Variants in CDH18 observed in about 807,000 individuals in gnomAD.
The protein encoded by CDH18 is cadherin 18.
Under a neutral mutation model 67.9 loss-of-function variants are expected in CDH18, and 31 were observed. The observed-to-expected ratio is 0.46, with a 90% CI of 0.34 to 0.62. CDH18 has a LOEUF of 0.62. CDH18 is among the 20% of genes least tolerant of loss of function. The pLI is 0.01. For synonymous variants in CDH18, 362 were observed against 347.2 expected (o/e 1.04, Z -0.48); for missense variants, 890 against 975.5 (o/e 0.91, Z 1.17).
intron 6 of CDH18, among the ~76,000 whole-genome samples, chr5:19,611,946 ATGCGTGTGTGTGTGTG>A (rs1258277689): frequency 5.5e-5 from 3 of 54,486 alleles, no homozygotes; most frequent in Admixed American, 3.6e-4. Flanking sequence ...CTTTTGGATG[ATGCGTGTGTGTGTGTG>A]TGTGTGTGTG....
Position 20,385,260 on chromosome 5 carries a change from C to A in CDH18, c.-579-129755G>T, listed in dbSNP as rs1744223356. Among the ~76,000 whole-genome samples, 4 of 152,096 alleles carry A rather than the reference C, an allele frequency of 2.6e-5. No individual in the cohort carries two copies. The South Asian group carries it at 8.3e-4, about 32-fold the overall frequency. ...TGTTATCAATAAAAACTAAATAATT[C>A]CCACAGATCAGTATGTTCTGGACAA... On this transcript the variant is annotated intron_variant, in intron 1 of 14. Coordinates refer to the CDH18 transcript ENST00000507958.
At chr5:20,056,473 CTTTT>C (rs1741961872) in intron 2 of CDH18, among the ~76,000 whole-genome samples, 2 of 13,564 alleles carry the variant, frequency 1.5e-4, no homozygotes, top group East Asian at 1.5e-3. Flanking sequence ...TATTTTCTTT[CTTTT>C]GTTTTTTTTT....
chr5:20,325,567 TC>T (rs1399414902), intron 1 of CDH18, among the ~76,000 whole-genome samples: 2 of 152,132 alleles, frequency 1.3e-5, no homozygotes, highest in Non-Finnish European at 2.9e-5. Flanking sequence ...TTCTTAGGGA[TC>T]TTTTCACTAT....
intron 3 of CDH18, among the ~76,000 whole-genome samples, chr5:19,757,123 G>A (rs1405244961): frequency 6.6e-6 from 1 of 152,128 alleles, no homozygotes; most frequent in Non-Finnish European, 1.5e-5. Flanking sequence ...CTTTTTTGTT[G>A]TAAAGTGAGT....
At chr5:19,725,001 A>C (rs1170604352) in intron 4 of CDH18, among the ~76,000 whole-genome samples, 1 of 147,782 alleles carries the variant, frequency 6.8e-6, no homozygotes, top group African/African-American at 2.5e-5. Context: ...ATCTGGGCTC[A>C]CTGCAAGCTC....
intron 2 of CDH18, among the ~76,000 whole-genome samples, chr5:19,882,183 T>C (rs1335824620): frequency 6.6e-6 from 1 of 152,148 alleles, no homozygotes; most frequent in Non-Finnish European, 1.5e-5. Flanking sequence ...GGAAGAAAAT[T>C]GCCAACTCAA....
intron 5 of CDH18, among the ~76,000 whole-genome samples, chr5:19,714,980 A>G (rs927209392): frequency 6.6e-6 from 1 of 152,094 alleles, no homozygotes. Flanking sequence ...TTCTGCAGAT[A>G]TTGTAAACCA....
At chr5:19,913,615 GT>G (rs1791408894) in intron 2 of CDH18, among the ~76,000 whole-genome samples, 1 of 152,088 alleles carries the variant, frequency 6.6e-6, no homozygotes, top group African/African-American at 2.4e-5. Flanking sequence ...TTAGGTGCAT[GT>G]GCCTATAAGA....
At chr5:19,827,282 G>C (rs1010613914) in intron 3 of CDH18, among the ~76,000 whole-genome samples, 17 of 149,936 alleles carry the variant, frequency 1.1e-4, no homozygotes, top group Admixed American at 2.0e-4. Context: ...AGTAATAGTA[G>C]GAGACTTCAA....
intron 5 of CDH18, among the ~76,000 whole-genome samples, chr5:19,697,341 A>T (rs1416553271): frequency 6.6e-6 from 1 of 152,212 alleles, no homozygotes; most frequent in Admixed American, 6.5e-5. Flanking sequence ...TATTTAATAT[A>T]GCTCATATAA....
chr5:19,678,202 C>T (rs1201756568), intron 5 of CDH18, among the ~76,000 whole-genome samples: 1 of 149,812 alleles, frequency 6.7e-6, no homozygotes, highest in African/African-American at 2.4e-5. Flanking sequence ...AGCACATGCT[C>T]TATATTGATC....
At chr5:19,927,809 G>A (rs951113835) in intron 2 of CDH18, among the ~76,000 whole-genome samples, 2 of 152,110 alleles carry the variant, frequency 1.3e-5, no homozygotes, top group African/African-American at 4.8e-5. Flanking sequence ...CCAATATGAT[G>A]TTATATTTAT....
At chr5:19,690,104 T>C (rs765170242) in intron 5 of CDH18, among the ~76,000 whole-genome samples, 51 of 151,296 alleles carry the variant, frequency 3.4e-4, no homozygotes, top group Non-Finnish European at 6.2e-4. Flanking sequence ...TATACATATA[T>C]ATAAACCACA....
chr5:20,032,398 C>A (rs893986702), intron 2 of CDH18, among the ~76,000 whole-genome samples: 1 of 151,832 alleles, frequency 6.6e-6, no homozygotes, highest in African/African-American at 2.4e-5. Context: ...TAAAACTGAA[C>A]TTTAAAGAAA....
intron 1 of CDH18, among the ~76,000 whole-genome samples, chr5:20,427,336 A>G (rs1278303368): frequency 6.6e-6 from 1 of 151,274 alleles, no homozygotes. Flanking sequence ...ACAAAGAAAC[A>G]AATATTTGAA....
intron 1 of CDH18, among the ~76,000 whole-genome samples, chr5:20,444,937 G>T (rs565839594): frequency 6.6e-6 from 1 of 152,024 alleles, no homozygotes; most frequent in Non-Finnish European, 1.5e-5. Flanking sequence ...AGCAAGAATT[G>T]GTTGTAAAAA....
At chr5:19,748,332 T>G (rs1164033565) in intron 3 of CDH18, among the ~76,000 whole-genome samples, 3 of 151,864 alleles carry the variant, frequency 2.0e-5, no homozygotes, top group African/African-American at 7.2e-5. Context: ...AACAATAAAT[T>G]ACAGAAGAGG....
At chr5:19,896,759 A>T (rs940933955) in intron 2 of CDH18, among the ~76,000 whole-genome samples, 17 of 152,218 alleles carry the variant, frequency 1.1e-4, no homozygotes, top group African/African-American at 4.1e-4. Context: ...AAACGAGTAC[A>T]TGTAAAATTA....
intron 2 of CDH18, among the ~76,000 whole-genome samples, chr5:20,179,840 C>A (rs1274223152): frequency 6.6e-6 from 1 of 152,076 alleles, no homozygotes; most frequent in African/African-American, 2.4e-5. Context: ...GTCTCCATTT[C>A]TCTTTGATTG....
Sources: gnomAD v4.1 joint callset for allele counts (sites outside exome capture counted in the v4.1 genomes callset) on GRCh38, gnomAD v4.1.1 for gene constraint, MANE v1.5 for transcripts, NCBI Gene and HGNC (gene_info 2026-07-23, HGNC 2026-07-21) for gene names.